The following ACYP2 variants were observed in gnomAD, a reference collection of about 807,000 sequenced individuals.
ACYP2 encodes acylphosphatase-2.
A neutral mutation model predicts 11.2 loss-of-function variants in ACYP2; 12 were observed. That is an observed-to-expected ratio of 1.08 (90% CI 0.69 to 1.74). The LOEUF (loss-of-function observed/expected upper bound fraction) is 1.74. Among genes scored for constraint, ACYP2 ranks in the 40% most tolerant of loss-of-function variants. The pLI, the probability that ACYP2 is intolerant of heterozygous loss-of-function variation, is 0.00. For missense variants in ACYP2, 134 were observed against 101.9 expected (o/e 1.31, Z -1.35); for synonymous variants, 43 against 32.2 (o/e 1.33, Z -1.13).
intron 2 of ACYP2, among the ~76,000 whole-genome samples, chr2:54,049,699 C>G (rs1423046620): frequency 1.3e-5 from 2 of 152,128 alleles, no homozygotes; most frequent in African/African-American, 4.8e-5. Context: ...ATTCTTTCAA[C>G]CAGTATTTTT....
At chr2:54,207,745 A>G (rs1685141667) in intron 6 of ACYP2, among the ~76,000 whole-genome samples, 1 of 152,192 alleles carries the variant, frequency 6.6e-6, no homozygotes, top group African/African-American at 2.4e-5. Flanking sequence ...ATAGGACATG[A>G]AACAAAAGCC....
chr2:54,139,385 G>A (rs189206660), intron 6 of ACYP2, among the ~76,000 whole-genome samples: 1 of 152,244 alleles, frequency 6.6e-6, no homozygotes, highest in East Asian at 1.9e-4. Flanking sequence ...ATGAGCTGGA[G>A]GGTTACCAAA....
At chr2:54,047,043 C>T (rs972981450) in intron 2 of ACYP2, among the ~76,000 whole-genome samples, 4 of 152,142 alleles carry the variant, frequency 2.6e-5, no homozygotes, top group African/African-American at 9.7e-5. Flanking sequence ...AGATATTATT[C>T]GTGTTATCAT....
intron 6 of ACYP2, among the ~76,000 whole-genome samples, chr2:54,157,521 C>G (rs1203811641): frequency 6.6e-6 from 1 of 152,004 alleles, no homozygotes; most frequent in African/African-American, 2.4e-5. Flanking sequence ...AGTGAGTATC[C>G]TTGTATACAT....
chr2:54,258,242 T>C (rs536478176), intron 6 of ACYP2, among the ~76,000 whole-genome samples: 3 of 151,840 alleles, frequency 2.0e-5, no homozygotes, highest in East Asian at 1.9e-4. Context: ...GGGGAGGAGA[T>C]TGTAGTATGA....
At chr2:54,255,797 C>T in intron 6 of ACYP2, 7 of 1,613,928 alleles carry the variant, frequency 4.3e-6, no homozygotes, top group Non-Finnish European at 5.9e-6. Context: ...CCGTGCGTCT[C>T]TTCACCCGGA....
intron 6 of ACYP2, among the ~76,000 whole-genome samples, chr2:54,206,047 T>C (rs1685058861): frequency 6.6e-6 from 1 of 152,228 alleles, no homozygotes; most frequent in Non-Finnish European, 1.5e-5. Flanking sequence ...CTAGTACTGA[T>C]TCTGCCTAGT....
chr2:54,163,078 A>G (rs1682795982), intron 6 of ACYP2, among the ~76,000 whole-genome samples: 1 of 152,230 alleles, frequency 6.6e-6, no homozygotes. Context: ...GTTAAAAGGA[A>G]TAATTTTCAT....
chr2:54,116,153 A>C (rs79440554), intron 4 of ACYP2, among the ~76,000 whole-genome samples: 1 of 152,190 alleles, frequency 6.6e-6, no homozygotes, highest in Non-Finnish European at 1.5e-5. Context: ...TAGGAAGGAC[A>C]CTTAGATGGT....
chr2:54,113,148 A>C (rs1234784197), intron 4 of ACYP2, among the ~76,000 whole-genome samples: 1 of 152,204 alleles, frequency 6.6e-6, no homozygotes, highest in Admixed American at 6.5e-5. Flanking sequence ...TAGATTATTT[A>C]AAATACCTAA....
At chr2:54,264,235 G>C (rs982820485) in intron 6 of ACYP2, among the ~76,000 whole-genome samples, 16 of 152,158 alleles carry the variant, frequency 1.1e-4, no homozygotes, top group Non-Finnish European at 1.5e-5. Flanking sequence ...AGGTCATAAA[G>C]GTAGTGCGGA....
intron 6 of ACYP2, among the ~76,000 whole-genome samples, chr2:54,246,964 A>C (rs1299162660): frequency 6.6e-6 from 1 of 152,176 alleles, no homozygotes; most frequent in African/African-American, 2.4e-5. Context: ...TCTAAAAGGA[A>C]AGACACTTAA....
rs186979141 is a variant in ACYP2, at chr2:54,294,206, G to C, written c.405-10482G>C. Among the ~76,000 whole-genome samples, 727 of 152,250 alleles carry C rather than the reference G, an allele frequency of 4.8e-3. 7 individuals carry two copies. Among genetic ancestry groups the C allele is most frequent in the African/African-American group, 0.017 (688 of 41,556 alleles). Reference sequence around the variant, plus strand: ...TTTCTAGTGCTTTAATTTCACCTCTGTTTCAGACAAGGATATTAGTTAAAT... The same window carrying C: ...TTTCTAGTGCTTTAATTTCACCTCTCTTTCAGACAAGGATATTAGTTAAAT... On this transcript the variant is annotated intron_variant, in intron 6 of 6. Coordinates refer to ENST00000607452, the MANE Select transcript of ACYP2 (RefSeq NM_001320586.2).
intron 4 of ACYP2, among the ~76,000 whole-genome samples, chr2:54,071,956 A>AG (rs1677070208): frequency 6.6e-6 from 1 of 152,164 alleles, no homozygotes; most frequent in Non-Finnish European, 1.5e-5. Flanking sequence ...GGTTGCAGTG[A>AG]GCTGAGATCG....
At chr2:54,166,789 C>A (rs372065912) in intron 6 of ACYP2, among the ~76,000 whole-genome samples, 2 of 152,132 alleles carry the variant, frequency 1.3e-5, no homozygotes, top group African/African-American at 4.8e-5. Flanking sequence ...CCAAGCCCCC[C>A]ACCTCCATTT....
intron 2 of ACYP2, among the ~76,000 whole-genome samples, chr2:54,043,366 T>C (rs59093347): frequency 0.075 from 11,367 of 152,142 alleles, 560 homozygotes; most frequent in East Asian, 0.27. Context: ...CGGATGCATT[T>C]TTGGTTATCA....
intron 6 of ACYP2, among the ~76,000 whole-genome samples, chr2:54,165,515 ACTCT>A (rs10575339): frequency 0.11 from 13,768 of 130,654 alleles, 651 homozygotes; most frequent in South Asian, 0.17. Flanking sequence ...TCTCTCTTTC[ACTCT>A]CTCTCTCTCT....
intron 6 of ACYP2, among the ~76,000 whole-genome samples, chr2:54,172,940 C>G (rs905018431): frequency 1.3e-5 from 2 of 152,218 alleles, no homozygotes; most frequent in African/African-American, 4.8e-5. Flanking sequence ...TTAATCCACT[C>G]TATCATTGAT....
intron 4 of ACYP2, among the ~76,000 whole-genome samples, chr2:54,127,806 A>G (rs993663326): frequency 1.3e-5 from 2 of 151,894 alleles, no homozygotes; most frequent in Non-Finnish European, 2.9e-5. Flanking sequence ...AGGAAAGCCA[A>G]TGCAGACAAA....
Sources: gnomAD v4.1 joint callset for allele counts (sites outside exome capture counted in the v4.1 genomes callset) on GRCh38, gnomAD v4.1.1 for gene constraint, MANE v1.5 for transcripts, NCBI Gene and HGNC (gene_info 2026-07-23, HGNC 2026-07-21) for gene names.